MRAP: variants seen among roughly 807,000 people sequenced by gnomAD.
MRAP encodes melanocortin 2 receptor accessory protein, also known as melanocortin-2 receptor accessory protein.
Under a neutral mutation model 8.7 loss-of-function variants are expected in MRAP, and 8 were observed. The observed-to-expected ratio is 0.92, with a 90% CI of 0.54 to 1.66. The LOEUF (loss-of-function observed/expected upper bound fraction) is 1.66, where lower values mean the gene tolerates loss of function less well. Among genes scored for constraint, MRAP ranks in the 40% most tolerant of loss-of-function variants. The pLI, the probability that MRAP is intolerant of heterozygous loss-of-function variation, is 0.00. For synonymous variants in MRAP, 95 were observed against 95.5 expected (o/e 1.00, Z 0.03); for missense variants, 237 against 217.1 (o/e 1.09, Z -0.58).
chr21:32,295,330 T>C (rs900033689), upstream of MRAP, among the ~76,000 whole-genome samples: 1 of 152,182 alleles, frequency 6.6e-6, no homozygotes, highest in Non-Finnish European at 1.5e-5. Context: ...GGCATACTTC[T>C]GGGGACTTGC....
upstream of MRAP, among the ~76,000 whole-genome samples, chr21:32,294,336 C>T (rs920025455): frequency 1.3e-5 from 2 of 152,076 alleles, no homozygotes; most frequent in Non-Finnish European, 1.5e-5. Context: ...AGGATGGTCT[C>T]GATCTCCTGA....
chr21:32,308,340 G>A (rs1395525013), intron 2 of MRAP, among the ~76,000 whole-genome samples: 1 of 151,906 alleles, frequency 6.6e-6, no homozygotes, highest in Non-Finnish European at 1.5e-5. Context: ...TTGCACCACT[G>A]CACTCCAGCC....
At chr21:32,305,698 G>A (rs1285757916) in intron 1 of MRAP, among the ~76,000 whole-genome samples, 1 of 152,118 alleles carries the variant, frequency 6.6e-6, no homozygotes, top group African/African-American at 2.4e-5. Context: ...ACACACATAG[G>A]CGTCTAGAAT....
upstream of MRAP, among the ~76,000 whole-genome samples, chr21:32,293,903 C>CT (rs769175406): frequency 3.1e-3 from 454 of 145,308 alleles, 1 homozygote; most frequent in Middle Eastern, 7.3e-3. Context: ...TTGCATGGAT[C>CT]TTTTTTTTTT....
chr21:32,292,244 C>T (rs190252848), intron 1 of MRAP, among the ~76,000 whole-genome samples: 3 of 152,066 alleles, frequency 2.0e-5, no homozygotes, highest in Admixed American at 2.0e-4. Context: ...GGGTTGGAGA[C>T]GTGGGTAGGG....
At chr21:32,303,271 C>A (rs973797178) in intron 1 of MRAP, among the ~76,000 whole-genome samples, 3 of 152,150 alleles carry the variant, frequency 2.0e-5, no homozygotes, top group Admixed American at 1.3e-4. Context: ...GGCTGAGGCA[C>A]CATGCCCAAC....
intron 1 of MRAP, among the ~76,000 whole-genome samples, chr21:32,305,781 C>T (rs1336216930): frequency 1.3e-5 from 2 of 152,092 alleles, no homozygotes; most frequent in Non-Finnish European, 2.9e-5. Context: ...AATTACGAGC[C>T]GGATTGCCCA....
rs574056571 is a variant in MRAP, at chr21:32,307,312, C to A, written c.206+573C>A. Among the ~76,000 whole-genome samples the A allele has an allele frequency of 1.3e-4, 20 of 152,258 alleles. No individual in the cohort carries two copies. In the South Asian group the frequency reaches 2.7e-3, roughly 21 times the overall value. ...AAATTAAGCTGGGCGTGGTGGCTCA[C>A]GCCTGTAATCCCAGCACTTTGGGAG... On this transcript the variant is annotated intron_variant, in intron 2 of 2. Transcript: ENST00000303645.
intron 2 of MRAP, among the ~76,000 whole-genome samples, chr21:32,309,011 T>C (rs1010654100): frequency 1.8e-4 from 28 of 152,250 alleles, no homozygotes; most frequent in African/African-American, 3.1e-4. Flanking sequence ...GACTCGCGCA[T>C]TGGCACAGCG....
At chr21:32,311,652 G>C in intron 2 of MRAP, 32 bp from the exon 3 acceptor site, 1 of 1,611,112 alleles carries the variant, frequency 6.2e-7, no homozygotes, top group South Asian at 1.1e-5. Flanking sequence ...CAGCAACTAT[G>C]ATGCCTGCCT....
intron 2 of MRAP, chr21:32,308,670 G>C (rs1414149015): frequency 6.5e-6 from 1 of 152,756 alleles, no homozygotes; most frequent in Non-Finnish European, 1.5e-5. Context: ...AAGAGGGCCT[G>C]TCCAGTGGCT....
At chr21:32,309,686 T>C (rs1331687896) in intron 2 of MRAP, among the ~76,000 whole-genome samples, 1 of 149,002 alleles carries the variant, frequency 6.7e-6, no homozygotes, top group Non-Finnish European at 1.5e-5. Context: ...TCCAGACCTG[T>C]AATCCTAGCA....
At chr21:32,300,400 G>A (rs1473126952) in intron 1 of MRAP, among the ~76,000 whole-genome samples, 3 of 151,462 alleles carry the variant, frequency 2.0e-5, no homozygotes, top group Non-Finnish European at 4.4e-5. Context: ...CGCATCCTAT[G>A]TCGGATGCAT....
At chr21:32,309,073 G>A (rs533054678) in intron 2 of MRAP, among the ~76,000 whole-genome samples, 1 of 152,310 alleles carries the variant, frequency 6.6e-6, no homozygotes, top group South Asian at 2.1e-4. Flanking sequence ...AGTAATTTAT[G>A]AAGAAAAGAG....
At chr21:32,299,826 C>A (rs1244405501) in intron 1 of MRAP, among the ~76,000 whole-genome samples, 1 of 152,188 alleles carries the variant, frequency 6.6e-6, no homozygotes, top group African/African-American at 2.4e-5. Flanking sequence ...TTCATAGTCT[C>A]AGCAAGGACA....
Position 32,299,036 on chromosome 21 carries a change from A to G in MRAP, c.65A>G (p.Asp22Gly). The G allele has an allele frequency of 4.3e-6, 7 of 1,614,184 alleles. No homozygotes were observed. The highest frequency in any genetic ancestry group is 5.1e-6 in the Non-Finnish European group (6 of 1,180,016). Residue 22 changes from aspartate (D) to glycine (G), a missense_variant, in exon 1 of 3, where the codon GAC (aspartate) becomes GGC (glycine). Coordinates refer to ENST00000303645, the MANE Select transcript of MRAP (RefSeq NM_001379228.1). ...TATGAATACTACCTGGACTATCTGG[A>G]CCTCATTCCCGTGGACGAGAAGAAG... ...YSYEYYLDYL[D>G]LIPVDEKKLK...
At chr21:32,309,221 A>G (rs1294458387) in intron 2 of MRAP, among the ~76,000 whole-genome samples, 1 of 151,954 alleles carries the variant, frequency 6.6e-6, no homozygotes, top group Non-Finnish European at 1.5e-5. Flanking sequence ...TTACCTCTTA[A>G]AGGTCCCAGC....
intron 1 of MRAP, chr21:32,291,995 C>T (rs1003971892): frequency 6.6e-6 from 1 of 152,122 alleles, no homozygotes; most frequent in Non-Finnish European, 1.5e-5. Flanking sequence ...AGACACATCT[C>T]CCATCAAGCA....
chr21:32,294,469 T>C (rs904290741), upstream of MRAP, among the ~76,000 whole-genome samples: 3 of 152,284 alleles, frequency 2.0e-5, no homozygotes, highest in East Asian at 3.9e-4. Context: ...TTGGAGCACT[T>C]TTTGATGTGC....
Sources: allele counts gnomAD v4.1 joint callset (sites outside exome capture counted in the v4.1 genomes callset), GRCh38; gene constraint gnomAD v4.1.1; transcripts MANE v1.5; gene names NCBI Gene and HGNC (gene_info 2026-07-23, HGNC 2026-07-21).